The following SYNGR4 variants were observed in gnomAD, a reference collection of about 807,000 sequenced individuals.
The protein encoded by SYNGR4 is synaptogyrin 4, also known as synaptogyrin-4.
In SYNGR4, 15 loss-of-function variants were observed where a neutral mutation model predicts 15.5. The observed-to-expected ratio is 0.97, with a 90% CI of 0.65 to 1.49. The LOEUF is 1.49. Among genes scored for constraint, SYNGR4 ranks in the 40% most tolerant of loss-of-function variants. SYNGR4 has a pLI of 0.00. For missense variants in SYNGR4, 292 were observed against 299.3 expected, an observed-to-expected ratio of 0.98 and a Z score of 0.18; for synonymous variants, 121 against 127.4, an observed-to-expected ratio of 0.95 and a Z score of 0.34.
At chr19:48,365,204 T>C (rs1393743509) in intron 1 of SYNGR4, among the ~76,000 whole-genome samples, 1 of 140,222 alleles carries the variant, frequency 7.1e-6, no homozygotes, top group African/African-American at 2.8e-5. Context: ...GGACCCCTAG[T>C]ATCCCCATCC....
At chr19:48,375,279 G>T (rs1684521028) in intron 3 of SYNGR4, among the ~76,000 whole-genome samples, 1 of 151,980 alleles carries the variant, frequency 6.6e-6, no homozygotes, top group Non-Finnish European at 1.5e-5. Context: ...ACTTGCCTCA[G>T]CTTCCCAAAG....
At chr19:48,372,807 C>T (rs978459884) in intron 2 of SYNGR4, among the ~76,000 whole-genome samples, 7 of 152,170 alleles carry the variant, frequency 4.6e-5, no homozygotes, top group African/African-American at 1.7e-4. Flanking sequence ...TCGTATTTTT[C>T]TGTATGCTTG....
intron 3 of SYNGR4, among the ~76,000 whole-genome samples, 159 bp from the exon 4 acceptor site, chr19:48,375,454 T>TGGGA (rs2147412237): frequency 6.6e-6 from 1 of 152,254 alleles, no homozygotes; most frequent in South Asian, 2.1e-4. Context: ...GAATGACTTG[T>TGGGA]GGGAGATGTG....
At chr19:48,374,206 T>G (rs995206052) in intron 3 of SYNGR4, among the ~76,000 whole-genome samples, 4 of 151,470 alleles carry the variant, frequency 2.6e-5, no homozygotes, top group Non-Finnish European at 4.4e-5. Flanking sequence ...GCCTCCTGAG[T>G]AGCTGGGATT....
In SYNGR4 at chr19:48,375,762, A is replaced by G; in HGVS notation, c.471+10A>G. The G allele has an allele frequency of 6.2e-7, 1 of 1,608,510 alleles. No individual in the cohort carries two copies. Among genetic ancestry groups the G allele is most frequent in the Non-Finnish European group, 8.5e-7 (1 of 1,175,730 alleles). Reference sequence around the variant, plus strand: ...CTCCATCCTTGTCTGGGTGAGGACAAGCCCCTCCACCACCCCTCCCTAGGA... The same window carrying G: ...CTCCATCCTTGTCTGGGTGAGGACAGGCCCCTCCACCACCCCTCCCTAGGA... On this transcript the variant is annotated intron_variant, in intron 4 of 4. Coordinates refer to ENST00000344846, the MANE Select transcript of SYNGR4 (RefSeq NM_012451.4).
intron 2 of SYNGR4, among the ~76,000 whole-genome samples, chr19:48,369,305 AT>A (rs11325391): frequency 0.53 from 80,811 of 151,842 alleles, 21,846 homozygotes; most frequent in East Asian, 0.8. Context: ...CTTAAGAGGG[AT>A]AGGGTCCCTC....
rs946583656 is a variant in SYNGR4 at position 48,374,076 on chromosome 19, C to CTT, written c.331+341_331+342dup. Among the ~76,000 whole-genome samples the CTT allele has an allele frequency of 8.0e-3, 1,061 of 132,690 alleles. 16 individuals are homozygous for CTT. Among genetic ancestry groups the CTT allele is most frequent in the African/African-American group, 0.022 (729 of 33,270 alleles). 87.0% of individuals were successfully genotyped at this position (132,690 alleles called of 152,430 possible). On this transcript the variant is annotated intron_variant, in intron 3 of 4. Coordinates refer to ENST00000344846, the MANE Select transcript of SYNGR4 (RefSeq NM_012451.4). ...CTTCCCTCATTTACAGAAAATCTCT[C>CTT]TTTTTTTTTTTTTTTTTTTTGAGAT...
chr19:48,371,395 C>T (rs889948296), intron 2 of SYNGR4, among the ~76,000 whole-genome samples: 1 of 152,046 alleles, frequency 6.6e-6, no homozygotes, highest in African/African-American at 2.4e-5. Context: ...CAGACCTGCC[C>T]TGCTGCATTG....
chr19:48,369,542 C>A (rs189149810), intron 2 of SYNGR4, among the ~76,000 whole-genome samples: 21 of 152,304 alleles, frequency 1.4e-4, no homozygotes, highest in Admixed American at 9.1e-4. Flanking sequence ...CAAGCCCCTA[C>A]CCCCACATTC....
chr19:48,366,477 G>A (rs181392147), intron 2 of SYNGR4, among the ~76,000 whole-genome samples: 7 of 151,908 alleles, frequency 4.6e-5, no homozygotes, highest in Non-Finnish European at 7.4e-5. Flanking sequence ...CGTGATCTCC[G>A]CTCACTGGAA....
intron 2 of SYNGR4, among the ~76,000 whole-genome samples, chr19:48,369,317 T>C (rs1158746113): frequency 6.6e-6 from 1 of 152,112 alleles, no homozygotes; most frequent in African/African-American, 2.4e-5. Flanking sequence ...AGGGTCCCTC[T>C]AGCCCAGATG....
At chr19:48,368,734 A>G (rs140582382) in intron 2 of SYNGR4, among the ~76,000 whole-genome samples, 114 of 152,344 alleles carry the variant, frequency 7.5e-4, no homozygotes, top group African/African-American at 2.5e-3. Flanking sequence ...GAGAGGGCCT[A>G]GGATGATTGA....
intron 1 of SYNGR4, 21 bp from the exon 2 acceptor site, chr19:48,365,715 C>G: frequency 1.0e-6 from 1 of 997,112 alleles, no homozygotes; most frequent in South Asian, 1.4e-5. Flanking sequence ...ACTGGCATCC[C>G]CCATCTGTGT....
chr19:48,368,094 G>C (rs1218157059), intron 2 of SYNGR4, among the ~76,000 whole-genome samples: 1 of 152,174 alleles, frequency 6.6e-6, no homozygotes. Flanking sequence ...ATGCAAAGTG[G>C]CATACTGCCC....
chr19:48,365,960 G>A (rs759579878), intron 2 of SYNGR4, 25 bp downstream of exon 2: 4 of 1,610,562 alleles, frequency 2.5e-6, no homozygotes, highest in Non-Finnish European at 3.4e-6. Context: ...TGGCCCGACT[G>A]TGCCCCTGGG....
chr19:48,365,256 A>G (rs1970179891), intron 1 of SYNGR4, among the ~76,000 whole-genome samples: 1 of 25,780 alleles, frequency 3.9e-5, no homozygotes, highest in South Asian at 1.6e-3. Context: ...CTCCCTCACC[A>G]CACACAACCC....
chr19:48,365,669 T>C (rs1273364146), intron 1 of SYNGR4, 67 bp from the exon 2 acceptor site: 5 of 63,752 alleles, frequency 7.8e-5, no homozygotes, highest in African/African-American at 1.2e-4. Flanking sequence ...CCCCCAATCC[T>C]GGGGCCCCCA....
chr19:48,365,644 A>AG, intron 1 of SYNGR4, 92 bp from the exon 2 acceptor site: 1 of 37,800 alleles, frequency 2.6e-5, no homozygotes, highest in South Asian at 3.1e-4. Flanking sequence ...GACCCCCCCC[A>AG]TCCCCACCCC....
chr19:48,373,838 C>A lies in SYNGR4; in HGVS notation c.331+84C>A, dbSNP rs1970354480. 4 of 1,363,546 alleles carry A rather than the reference C, an allele frequency of 2.9e-6. No homozygotes were observed. In the African/African-American group the frequency reaches 4.3e-5, roughly 15 times the overall value. 84.5% of individuals were successfully genotyped at this position (1,363,546 alleles called of 1,614,324 possible). A position where few individuals can be genotyped will look rare whatever the true frequency, so the allele number is the denominator to read the frequency against. On this transcript the variant is annotated intron_variant, in intron 3 of 4. Transcript: ENST00000344846. ...GCTCCCCAGGGCCTCCCGGGCACAA[C>A]CCTTCACCACCTAGCCGGCCTCCAC... is the stretch of plus-strand genomic sequence containing the variant.
Sources: gnomAD v4.1 joint callset for allele counts (sites outside exome capture counted in the v4.1 genomes callset) on GRCh38, gnomAD v4.1.1 for gene constraint, MANE v1.5 for transcripts, NCBI Gene and HGNC (gene_info 2026-07-23, HGNC 2026-07-21) for gene names.